Variants in SFI1 observed in about 807,000 individuals in gnomAD.
The protein encoded by SFI1 is SFI1 centrin binding protein, also known as protein SFI1 homolog.
SFI1 carries 195 observed loss-of-function variants against 207.5 expected under a neutral mutation model. That is an observed-to-expected ratio of 0.94 (90% CI 0.84 to 1.06). SFI1 has a LOEUF of 1.06. SFI1 is among the 50% of genes least tolerant of loss of function. The pLI is 0.00. For synonymous variants in SFI1, 630 were observed against 598.9 expected (o/e 1.05, Z -0.76); for missense variants, 1,634 against 1,588.0 (o/e 1.03, Z -0.49).
intron 2 of SFI1, among the ~76,000 whole-genome samples, chr22:31,519,214 A>G (rs1250541042): frequency 2.6e-5 from 4 of 152,086 alleles, no homozygotes; most frequent in Non-Finnish European, 4.4e-5. Context: ...ATGTATTATA[A>G]AGGAATTAAG....
chr22:31,613,088 C>A, intron 24 of SFI1, 54 bp from the exon 25 acceptor site: 1 of 1,585,036 alleles, frequency 6.3e-7, no homozygotes. Context: ...CCCGTGATCA[C>A]CACGGCCTCC....
At chr22:31,589,013 C>G (rs1222372456) in intron 14 of SFI1, among the ~76,000 whole-genome samples, 2 of 151,964 alleles carry the variant, frequency 1.3e-5, no homozygotes, top group African/African-American at 4.8e-5. Flanking sequence ...ACACTATAAA[C>G]AAAATCAAAA....
chr22:31,533,668 C>T (rs4820983), intron 4 of SFI1, among the ~76,000 whole-genome samples: 97,459 of 152,004 alleles, frequency 0.64, 32,129 homozygotes, highest in Non-Finnish European at 0.73. Context: ...TAGCCTGTCC[C>T]AGCTGCAAGT....
intron 2 of SFI1, among the ~76,000 whole-genome samples, chr22:31,515,590 G>A (rs1789749280): frequency 6.6e-6 from 1 of 151,232 alleles, no homozygotes; most frequent in African/African-American, 2.4e-5. Context: ...TTGCTTGGTT[G>A]CCCACGCTGG....
intron 15 of SFI1, among the ~76,000 whole-genome samples, chr22:31,594,581 C>A (rs1463848134): frequency 7.4e-6 from 1 of 135,842 alleles, no homozygotes; most frequent in Non-Finnish European, 1.6e-5. Flanking sequence ...AAAGGCCGGG[C>A]CTGGTGGCTC....
At chr22:31,551,670 A>G (rs1038051450) in intron 6 of SFI1, among the ~76,000 whole-genome samples, 2 of 152,162 alleles carry the variant, frequency 1.3e-5, no homozygotes, top group Non-Finnish European at 1.5e-5. Context: ...GACTAAAGCA[A>G]TCCACCTGCC....
rs1263547730 is a variant in SFI1 at position 31,562,760 on chromosome 22, A to C, written c.765+1368A>C. On this transcript the variant is annotated intron_variant, in intron 8 of 32. Transcript: ENST00000400288. ...GCCATCATCCTGCCTCAGCCTCCTG[A>C]GTAGCTGGGACTGCAGGTGCCCGCC... Among the ~76,000 whole-genome samples, 4 of 151,610 alleles carry C rather than the reference A, an allele frequency of 2.6e-5. 1 individual carries two copies. Among genetic ancestry groups the C allele is most frequent in the African/African-American group, 9.7e-5 (4 of 41,200 alleles).
rs535648057 is a variant in SFI1, at chr22:31,513,772, G to C, written c.92+5396G>C. On this transcript the variant is annotated intron_variant, in intron 2 of 32. Transcript: ENST00000400288. ...TTTTTTGAATTTTTAGTAGAGACAG[G>C]GTTTCACCATGTTGATCAGGCTGGT... Among the ~76,000 whole-genome samples the C allele has an allele frequency of 7.2e-5, 11 of 151,730 alleles. No homozygotes were observed. The East Asian group carries it at 1.4e-3, about 19-fold the overall frequency.
chr22:31,613,759 C>T lies in SFI1; in HGVS notation c.2900C>T (p.Ala967Val). 1 of 1,612,974 alleles carries T rather than the reference C, an allele frequency of 6.2e-7. No individual in the cohort carries two copies. Among genetic ancestry groups the T allele is most frequent in the Non-Finnish European group, 8.5e-7 (1 of 1,179,820 alleles). ...GPLLNRIAAGAGDGTLETKRP... is the reference protein window; with the variant it reads ...GPLLNRIAAGVGDGTLETKRP... ...CTTCTCAACCGCATTGCTGCTGGGG[C>T]TGGGGATGGCACCCTTGAGACCAAG... Residue 967 changes from alanine (A) to valine (V), a missense_variant, in exon 27 of 33, where the codon GCT becomes GTT. Physicochemically the swap from Ala to Val is moderately conservative, Grantham distance 64. Transcript: ENST00000400288.
intron 4 of SFI1, among the ~76,000 whole-genome samples, chr22:31,546,598 G>T (rs1277417658): frequency 6.6e-6 from 1 of 151,034 alleles, no homozygotes; most frequent in Non-Finnish European, 1.5e-5. Flanking sequence ...GGGATTACAG[G>T]TGTGAGGCAC....
chr22:31,512,203 A>C (rs1274927955), intron 2 of SFI1, among the ~76,000 whole-genome samples: 5 of 151,862 alleles, frequency 3.3e-5, no homozygotes, highest in Admixed American at 3.3e-4. Flanking sequence ...TAAAAATACA[A>C]AATTAGCCGG....
At chr22:31,579,677 C>G (rs539380497) in intron 11 of SFI1, among the ~76,000 whole-genome samples, 1 of 152,174 alleles carries the variant, frequency 6.6e-6, no homozygotes, top group East Asian at 1.9e-4. Flanking sequence ...GTCTTGAACT[C>G]CTGTGCTCAA....
At chr22:31,588,571 T>G (rs1400780862) in intron 14 of SFI1, among the ~76,000 whole-genome samples, 1 of 152,196 alleles carries the variant, frequency 6.6e-6, no homozygotes, top group Non-Finnish European at 1.5e-5. Flanking sequence ...TCCCAGCACT[T>G]TGGGAGGCCA....
At chr22:31,601,185 A>G (rs1185539963) in intron 15 of SFI1, among the ~76,000 whole-genome samples, 5 of 133,004 alleles carry the variant, frequency 3.8e-5, no homozygotes, top group East Asian at 4.4e-4. Flanking sequence ...GTGCAGTGGC[A>G]CGATCTCGGC....
rs981464809 is a variant in SFI1 at position 31,614,879 on chromosome 22, C to T, written c.3068+19C>T. 13 of 1,612,320 alleles carry T rather than the reference C, an allele frequency of 8.1e-6. No individual in the cohort carries two copies. The highest frequency in any genetic ancestry group is 1.6e-4 in the Middle Eastern group (1 of 6,084). On this transcript the variant is annotated intron_variant, in intron 28 of 32. Coordinates refer to ENST00000400288, the MANE Select transcript of SFI1 (RefSeq NM_001007467.3). The stretch of plus-strand genomic sequence containing the variant: ...GCCAGAGGTCCCTGGGGTGCAGCAC[C>T]GTGGGCAGGCAGGGGGAGATGGTCA...
chr22:31,547,986 G>A (rs1009335996), intron 5 of SFI1, among the ~76,000 whole-genome samples: 11 of 151,028 alleles, frequency 7.3e-5, no homozygotes, highest in Admixed American at 3.3e-4. Flanking sequence ...AGGCCGAGAT[G>A]GGCGGATCAC....
Position 31,611,188 on chromosome 22 carries a change from G to T in SFI1, c.2300G>T (p.Arg767Met). Residue 767 changes from arginine (R) to methionine (M), a missense_variant, in exon 23 of 33, where the codon AGG (arginine) becomes ATG (methionine). Coordinates refer to ENST00000400288, the MANE Select transcript of SFI1 (RefSeq NM_001007467.3). ...CAGCGCTGGTGGGACTGCAGCCGGA[G>T]GTCAGCCCAGCAGAGACTGCAGCTG... Reference protein sequence around the residue: ...WFQRWWDCSRRSAQQRLQLER... With the variant: ...WFQRWWDCSRMSAQQRLQLER... The T allele has an allele frequency of 1.2e-6, 2 of 1,614,118 alleles. No individual in the cohort carries two copies. The highest frequency in any genetic ancestry group is 1.7e-6 in the Non-Finnish European group (2 of 1,180,032).
At chr22:31,518,653 A>G (rs911169967) in intron 2 of SFI1, among the ~76,000 whole-genome samples, 1 of 152,094 alleles carries the variant, frequency 6.6e-6, no homozygotes, top group Non-Finnish European at 1.5e-5. Context: ...AACTGCTTAC[A>G]AGGCTGACCC....
At chr22:31,604,732 AG>A in intron 19 of SFI1, 136 bp from the exon 20 acceptor site, 1 of 712,482 alleles carries the variant, frequency 1.4e-6, no homozygotes, top group Non-Finnish European at 2.3e-6. Context: ...CCCTGGGACC[AG>A]GGGCTGTTGG....
Sources: allele counts gnomAD v4.1 joint callset (sites outside exome capture counted in the v4.1 genomes callset), GRCh38; gene constraint gnomAD v4.1.1; transcripts MANE v1.5; gene names NCBI Gene and HGNC (gene_info 2026-07-23, HGNC 2026-07-21).